The following TTYH2 variants were observed in gnomAD, a reference collection of about 807,000 sequenced individuals.
The protein encoded by TTYH2 is tweety family member 2, also known as protein tweety homolog 2.
TTYH2 carries 49 observed loss-of-function variants against 68.3 expected under a neutral mutation model. The observed-to-expected ratio is 0.72, with a 90% CI of 0.57 to 0.91. TTYH2 has a LOEUF of 0.91. TTYH2 is among the 40% of genes least tolerant of loss of function. TTYH2 has a pLI of 0.00. For missense variants in TTYH2, 631 were observed against 700.4 expected (o/e 0.90, Z 1.12); for synonymous variants, 272 against 300.8 (o/e 0.90, Z 0.99).
In TTYH2 at chr17:74,222,339, A is replaced by AGGAGCTTGAACCCTAGGT; in HGVS notation, c.130-137_130-120dup. On this transcript the variant is annotated intron_variant, in intron 1 of 13. Transcript: ENST00000269346. This position sits in a 1 kb window ranked among gnomAD's most constrained non-coding sequence, Gnocchi z 5.2. Reference sequence around the variant, plus strand: ...GCGCCGGGCCCTCTGTTTACAGAGTAGGAGCTTGAACCCTAGGTGGAGCTT... The same window carrying AGGAGCTTGAACCCTAGGT: ...GCGCCGGGCCCTCTGTTTACAGAGTAGGAGCTTGAACCCTAGGTGGAGCTTGAACCCTAGGTGGAGCTT... 1.1e-6 allele frequency: 1 copy of AGGAGCTTGAACCCTAGGT among 937,174 alleles called. No individual in the cohort carries two copies. Among genetic ancestry groups the AGGAGCTTGAACCCTAGGT allele is most frequent in the Non-Finnish European group, 1.5e-6 (1 of 650,264 alleles). The allele number at this position is 937,174 out of a possible 1,614,324, so 58.1% of individuals were successfully genotyped here.
intron 13 of TTYH2, 116 bp from the exon 14 acceptor site, chr17:74,260,013 G>A (rs1401230761): frequency 1.2e-6 from 1 of 863,362 alleles, no homozygotes; most frequent in African/African-American, 1.7e-5. Context: ...TGGAGGCACG[G>A]CCGGGTTTCC....
intron 4 of TTYH2, among the ~76,000 whole-genome samples, chr17:74,238,266 A>T (rs763562187): frequency 1.3e-5 from 2 of 152,150 alleles, no homozygotes; most frequent in Non-Finnish European, 2.9e-5. Context: ...TGAGGAGATG[A>T]GCACCCGGCT....
In TTYH2 at chr17:74,230,939, G is replaced by A. The variant is rs143704026; in HGVS notation, c.354G>A (p.Ala118=). Residue 118 remains alanine, a synonymous_variant, in exon 3 of 14, where the codon GCG becomes GCA. Coordinates refer to ENST00000269346, the MANE Select transcript of TTYH2 (RefSeq NM_032646.6). ...FYGNSETNDG[A]YQLMYSLDDA... is the part of the protein sequence containing the mutation. Reference sequence around the variant, plus strand: ...GAAACAGCGAGACCAACGATGGGGCGTACCAGCTGATGTACTCCTTGGACG... The same window carrying A: ...GAAACAGCGAGACCAACGATGGGGCATACCAGCTGATGTACTCCTTGGACG... The A allele has an allele frequency of 5.0e-5, 80 of 1,614,174 alleles. No homozygotes were observed. In the African/African-American group the frequency reaches 7.5e-4, roughly 15 times the overall value.
chr17:74,245,829 GCT>G (rs2050552298), intron 6 of TTYH2, among the ~76,000 whole-genome samples: 1 of 152,178 alleles, frequency 6.6e-6, no homozygotes, highest in South Asian at 2.1e-4. Context: ...ATGCCACCCT[GCT>G]CTCTGAGGCC....
chr17:74,243,507 G>T (rs1340729749), intron 5 of TTYH2, 38 bp downstream of exon 5: 2 of 1,600,526 alleles, frequency 1.2e-6, no homozygotes, highest in Non-Finnish European at 1.7e-6. Flanking sequence ...ACAAAGAGCT[G>T]GGCAGGATGC....
chr17:74,225,664 G>C (rs146673770), intron 2 of TTYH2, among the ~76,000 whole-genome samples: 1 of 152,326 alleles, frequency 6.6e-6, no homozygotes, highest in East Asian at 1.9e-4. Flanking sequence ...TATGTCACCA[G>C]GGAAGCTGGA....
Position 74,250,037 on chromosome 17 carries a change from G to T in TTYH2, c.1023+9G>T, listed in dbSNP as rs550475993. ...TCTTCTCCACTGCAGAGGTAAGGCA[G>T]CTGTGCAGGAAGAGGGGAGCCCCAG... On this transcript the variant is annotated intron_variant, in intron 9 of 13. Transcript: ENST00000269346. 2.3e-5 allele frequency: 37 copies of T among 1,613,776 alleles called. No homozygotes were observed. The highest frequency in any genetic ancestry group is 3.0e-5 in the Non-Finnish European group (35 of 1,179,846).
In TTYH2 at chr17:74,213,693, C is replaced by T; in HGVS notation, c.106C>T (p.Pro36Ser). 6.2e-7 allele frequency: 1 copy of T among 1,612,648 alleles called. No individual in the cohort carries two copies. Among genetic ancestry groups the T allele is most frequent in the Non-Finnish European group, 8.5e-7 (1 of 1,179,504 alleles). The change falls in exon 1 of 14, where the codon CCC becomes TCC. Residue 36 changes from proline (P) to serine (S), a missense_variant. Physicochemically the swap from Pro to Ser is moderately conservative, Grantham distance 74. Coordinates refer to ENST00000269346, the MANE Select transcript of TTYH2 (RefSeq NM_032646.6). This position sits in a 1 kb window ranked among gnomAD's most constrained non-coding sequence, Gnocchi z 6.1. ...RLQPVNSTFS[P>S]GDESYQESLL... ...GCAGCCCGTGAACAGCACCTTCAGC[C>T]CCGGCGACGAGAGTTACCAGGAGGT...
At chr17:74,223,482 C>G (rs1292081106) in intron 2 of TTYH2, among the ~76,000 whole-genome samples, 1 of 152,078 alleles carries the variant, frequency 6.6e-6, no homozygotes, top group Non-Finnish European at 1.5e-5. Flanking sequence ...TTGCTCCCCC[C>G]TCAGCTTCCC....
At chr17:74,244,516 C>T (rs1455803910) in intron 6 of TTYH2, among the ~76,000 whole-genome samples, 4 of 152,144 alleles carry the variant, frequency 2.6e-5, no homozygotes, top group African/African-American at 9.7e-5. Context: ...TCTGACTTGC[C>T]TTCCATCCCA....
intron 13 of TTYH2, 97 bp from the exon 14 acceptor site, chr17:74,260,032 C>T: frequency 9.0e-7 from 1 of 1,105,308 alleles, no homozygotes; most frequent in Non-Finnish European, 1.4e-6. Context: ...CCCTCTGACA[C>T]CCGACCCAGT....
At chr17:74,246,713 A>G (rs1408166117) in intron 6 of TTYH2, among the ~76,000 whole-genome samples, 1 of 152,192 alleles carries the variant, frequency 6.6e-6, no homozygotes, top group Non-Finnish European at 1.5e-5. Flanking sequence ...CTGCTGATAA[A>G]GACATACCCA....
Position 74,260,504 on chromosome 17 carries a change from C to T in TTYH2, c.*295C>T, listed in dbSNP as rs2050739250. On this transcript the variant is annotated 3_prime_UTR_variant, in exon 14 of 14. Transcript: ENST00000269346. Reference sequence around the variant, plus strand: ...CCTGGCCCTGCTCACCCCTACGCCTCGCCCTTGCCAGGAGGGGAGTGGCAG... The same window carrying T: ...CCTGGCCCTGCTCACCCCTACGCCTTGCCCTTGCCAGGAGGGGAGTGGCAG... 4 of 414,046 alleles carry T rather than the reference C, an allele frequency of 9.7e-6. No homozygotes were observed. Among genetic ancestry groups the T allele is most frequent in the South Asian group, 2.7e-5 (1 of 37,450 alleles). The allele number at this position is 414,046 out of a possible 1,614,324, so 25.6% of individuals were successfully genotyped here.
intron 11 of TTYH2, among the ~76,000 whole-genome samples, chr17:74,252,744 T>C (rs8069021): frequency 0.42 from 63,510 of 152,064 alleles, 13,966 homozygotes; most frequent in African/African-American, 0.54. Flanking sequence ...ATGGGGTCAC[T>C]GTTTTCAGGG....
In TTYH2 at chr17:74,260,257, T is replaced by C. The variant is rs775448425; in HGVS notation, c.*48T>C. 7.6e-6 allele frequency: 12 copies of C among 1,570,732 alleles called. No individual in the cohort carries two copies. Among genetic ancestry groups the C allele is most frequent in the African/African-American group, 6.8e-5 (5 of 73,968 alleles). ...TCCTTTTTCCGTTCTGGTTTTTAATTAGTGCAAATACAAGCTGCGTTTCTT... is the reference window on the plus strand; with the variant it reads ...TCCTTTTTCCGTTCTGGTTTTTAATCAGTGCAAATACAAGCTGCGTTTCTT... On this transcript the variant is annotated 3_prime_UTR_variant, in exon 14 of 14. Transcript: ENST00000269346.
chr17:74,254,797 A>AT (rs924185964), intron 13 of TTYH2, among the ~76,000 whole-genome samples: 26 of 152,234 alleles, frequency 1.7e-4, no homozygotes, highest in African/African-American at 5.8e-4. Flanking sequence ...AAATTAAGGA[A>AT]TTTTTTTTCT....
rs370529619 is a variant in TTYH2, at chr17:74,242,036, T to C, written c.636-1338T>C. 2.0e-5 allele frequency among the ~76,000 whole-genome samples: 3 copies of C among 152,348 alleles called. No homozygotes were observed. The South Asian group carries it at 6.2e-4, about 32-fold the overall frequency. On this transcript the variant is annotated intron_variant, in intron 4 of 13. Transcript: ENST00000269346. ...TGAAGTCCTTGGCTGCCTTGCCCCA[T>C]CAACCTTTATATTTAGCAAGCACTT...
chr17:74,221,419 AC>A (rs1218808800), intron 1 of TTYH2, among the ~76,000 whole-genome samples: 1 of 151,766 alleles, frequency 6.6e-6, no homozygotes, highest in Non-Finnish European at 1.5e-5. Flanking sequence ...GTCCTGGAGT[AC>A]CCCCTTCCTG....
rs73996939 is a variant in TTYH2, at chr17:74,250,247, G to A, written c.1024-18G>A. 2.6e-5 allele frequency: 16 copies of A among 607,392 alleles called. No individual in the cohort carries two copies. Among genetic ancestry groups the A allele is most frequent in the Non-Finnish European group, 3.6e-5 (15 of 419,066 alleles). 37.6% of individuals were successfully genotyped at this position (607,392 alleles called of 1,614,324 possible). On this transcript the variant is annotated intron_variant, in intron 9 of 13. Transcript: ENST00000269346. The stretch of plus-strand genomic sequence containing the variant: ...CCTCCACAGCCCCTCGGCCTCTCTC[G>A]CTCTCTTCCCGCTTCAGGAAGACCT...
Sources: allele counts gnomAD v4.1 joint callset (sites outside exome capture counted in the v4.1 genomes callset), GRCh38; gene constraint gnomAD v4.1.1; non-coding constraint Gnocchi (gnomAD v3.1); transcripts MANE v1.5; gene names NCBI Gene and HGNC (gene_info 2026-07-23, HGNC 2026-07-21).